The following STK32B variants were observed in gnomAD, a reference collection of about 807,000 sequenced individuals.
STK32B encodes serine/threonine kinase 32B, also known as serine/threonine-protein kinase 32B.
Under a neutral mutation model 52.6 loss-of-function variants are expected in STK32B, and 43 were observed. The ratio of observed to expected loss-of-function variants is 0.82; its 90% CI spans 0.64 to 1.05. The LOEUF (loss-of-function observed/expected upper bound fraction) is 1.05, where lower values mean the gene tolerates loss of function less well. Ranked by LOEUF, STK32B falls within the 50% of genes least tolerant of loss-of-function variation. The probability of loss-of-function intolerance (pLI) is 0.00; values close to 1 mark genes in which losing one functional copy is unlikely to be tolerated. For synonymous variants in STK32B, 238 were observed against 204.3 expected, an observed-to-expected ratio of 1.17 and a Z score of -1.41; for missense variants, 621 against 534.6, an observed-to-expected ratio of 1.16 and a Z score of -1.59.
chr4:5,269,068 T>C (rs1307381813), intron 3 of STK32B, among the ~76,000 whole-genome samples: 1 of 152,050 alleles, frequency 6.6e-6, no homozygotes, highest in Non-Finnish European at 1.5e-5. Context: ...ATTGAGAGTC[T>C]GGAAAGACCA....
At chr4:5,203,810 C>T (rs115216930) in intron 3 of STK32B, among the ~76,000 whole-genome samples, 4 of 152,162 alleles carry the variant, frequency 2.6e-5, no homozygotes, top group African/African-American at 9.7e-5. Context: ...CCTCCAAGAG[C>T]GATCACTTAA....
chr4:5,080,591 T>A (rs1024263987), intron 1 of STK32B, among the ~76,000 whole-genome samples: 2 of 152,228 alleles, frequency 1.3e-5, no homozygotes, highest in African/African-American at 4.8e-5. Flanking sequence ...ATCTTAATTG[T>A]CATTTACAAC....
At chr4:5,297,969 A>T (rs967479706) in intron 3 of STK32B, among the ~76,000 whole-genome samples, 1 of 142,380 alleles carries the variant, frequency 7.0e-6, no homozygotes, top group African/African-American at 3.1e-5. Context: ...AGGCTTTTGC[A>T]TGGGCATCCT....
At chr4:5,125,601 C>T (rs1715318368) in intron 1 of STK32B, among the ~76,000 whole-genome samples, 1 of 152,180 alleles carries the variant, frequency 6.6e-6, no homozygotes, top group Non-Finnish European at 1.5e-5. Flanking sequence ...GCTGCACCCA[C>T]TGTTGGCTTT....
At chr4:5,094,493 A>G (rs1403336852) in intron 1 of STK32B, among the ~76,000 whole-genome samples, 1 of 152,090 alleles carries the variant, frequency 6.6e-6, no homozygotes, top group African/African-American at 2.4e-5. Context: ...TCTCTACAGA[A>G]TATTTTAAAA....
intron 3 of STK32B, among the ~76,000 whole-genome samples, chr4:5,306,091 C>T (rs865783816): frequency 6.6e-6 from 1 of 152,020 alleles, no homozygotes; most frequent in African/African-American, 2.4e-5. Flanking sequence ...TTTTGACTTT[C>T]CTAAATTTGT....
At chr4:5,353,873 C>T (rs1488941239) in intron 4 of STK32B, among the ~76,000 whole-genome samples, 1 of 152,136 alleles carries the variant, frequency 6.6e-6, no homozygotes, top group Non-Finnish European at 1.5e-5. Context: ...TCCAGGAATC[C>T]CACTACTGGG....
intron 3 of STK32B, among the ~76,000 whole-genome samples, chr4:5,210,144 C>T (rs530087141): frequency 1.6e-4 from 25 of 152,326 alleles, no homozygotes; most frequent in African/African-American, 4.8e-4. Context: ...AAACTAGCAT[C>T]TTGTTACAAA....
At chr4:5,495,113 A>G (rs1413066544) in intron 11 of STK32B, among the ~76,000 whole-genome samples, 1 of 152,110 alleles carries the variant, frequency 6.6e-6, no homozygotes, top group Non-Finnish European at 1.5e-5. Flanking sequence ...GTGAATCTGA[A>G]TGTTGGCCTG....
intron 3 of STK32B, among the ~76,000 whole-genome samples, chr4:5,250,556 A>G (rs998275776): frequency 6.6e-6 from 1 of 151,666 alleles, no homozygotes. Context: ...CAAGTGATCC[A>G]CCCGCCTCGG....
In STK32B at chr4:5,317,318, A is replaced by G. The variant is rs577151754; in HGVS notation, c.261-13902A>G. Among the ~76,000 whole-genome samples the G allele has an allele frequency of 4.1e-5, 2 of 48,216 alleles. 1 individual carries two copies. The highest frequency in any genetic ancestry group is 6.2e-5 in the Non-Finnish European group (2 of 32,190). The allele number at this position is 48,216 out of a possible 152,430, so 31.6% of individuals were successfully genotyped here. A position where few individuals can be genotyped will look rare whatever the true frequency, so the allele number is the denominator to read the frequency against. Reference sequence around the variant, plus strand: ...ATAATATATAATATATAACATATGTATAATATATATTACATATATAATACA... The same window carrying G: ...ATAATATATAATATATAACATATGTGTAATATATATTACATATATAATACA... On this transcript the variant is annotated intron_variant, in intron 3 of 11. Transcript: ENST00000282908.
At chr4:5,037,449 G>T in the STK32B span, among the ~76,000 whole-genome samples, 1 of 152,220 alleles carries the variant, frequency 6.6e-6, no homozygotes, top group Non-Finnish European at 1.5e-5. Context: ...CAAGTTGAGT[G>T]ATTGAATAAA....
intron 3 of STK32B, among the ~76,000 whole-genome samples, chr4:5,299,288 T>C (rs1398383261): frequency 1.3e-5 from 2 of 152,048 alleles, no homozygotes; most frequent in African/African-American, 4.8e-5. Flanking sequence ...AAAATCCTCT[T>C]TTAACAGTGA....
chr4:5,356,763 G>A (rs538057284), intron 4 of STK32B, among the ~76,000 whole-genome samples: 86 of 152,260 alleles, frequency 5.6e-4, no homozygotes, highest in African/African-American at 2.0e-3. Flanking sequence ...TTGGGAAACC[G>A]AGGCAGGTGT....
At chr4:5,494,919 C>T (rs1365163891) in intron 11 of STK32B, among the ~76,000 whole-genome samples, 3 of 152,200 alleles carry the variant, frequency 2.0e-5, no homozygotes, top group Admixed American at 2.0e-4. Context: ...TCTCTTCTGG[C>T]TTGTAGAGTT....
intron 11 of STK32B, among the ~76,000 whole-genome samples, chr4:5,491,183 C>G (rs1719700529): frequency 1.3e-5 from 2 of 152,306 alleles, no homozygotes; most frequent in Middle Eastern, 3.4e-3. Context: ...AGTTTACAGT[C>G]CCACCAACAG....
rs116398378 is a variant in STK32B, at chr4:5,396,739, C to G, written c.435-1468C>G. ...GAACATTTGCTGCTGTGTTTTCATT[C>G]TTGACATGTATTTTATTATCTCTTT... On this transcript the variant is annotated intron_variant, in intron 4 of 11. Transcript: ENST00000282908. The surrounding 1 kb of genome is among the most constrained non-coding windows in gnomAD (Gnocchi z 4.7). 6.6e-6 allele frequency among the ~76,000 whole-genome samples: 1 copy of G among 152,294 alleles called. No homozygotes were observed. The highest frequency in any genetic ancestry group is 2.1e-4 in the South Asian group (1 of 4,826).
intron 1 of STK32B, among the ~76,000 whole-genome samples, chr4:5,087,108 T>A (rs1189981044): frequency 1.3e-5 from 2 of 152,142 alleles, no homozygotes; most frequent in Admixed American, 6.5e-5. Flanking sequence ...ATAAAGTTAT[T>A]AAATCTATAT....
chr4:5,268,350 G>C (rs1450682097), intron 3 of STK32B, among the ~76,000 whole-genome samples: 2 of 152,102 alleles, frequency 1.3e-5, no homozygotes, highest in Non-Finnish European at 2.9e-5. Context: ...TCAGTGTTTG[G>C]AAATGTATCT....
Sources: allele counts gnomAD v4.1 joint callset (sites outside exome capture counted in the v4.1 genomes callset), GRCh38; gene constraint gnomAD v4.1.1; non-coding constraint Gnocchi (gnomAD v3.1); transcripts MANE v1.5; gene names NCBI Gene and HGNC (gene_info 2026-07-23, HGNC 2026-07-21).